The following VPS53 variants were observed in gnomAD, a reference collection of about 807,000 sequenced individuals.
The protein encoded by VPS53 is vacuolar protein sorting-associated protein 53 homolog.
VPS53 carries 70 observed loss-of-function variants against 107.0 expected under a neutral mutation model. The observed-to-expected ratio is 0.65, with a 90% CI of 0.54 to 0.80. The LOEUF (loss-of-function observed/expected upper bound fraction) is 0.80. Among genes scored for constraint, VPS53 ranks in the 30% least tolerant of loss-of-function variants. The pLI is 0.00. For missense variants in VPS53, 917 were observed against 1,049.4 expected, an observed-to-expected ratio of 0.87 and a Z score of 1.74; for synonymous variants, 409 against 393.3, an observed-to-expected ratio of 1.04 and a Z score of -0.47.
rs1270506517 is a variant in VPS53, at chr17:516,563, C to G, written c.*2565G>C. ...ATTTTTTGTAGAGATGGGGTTTCAC[C>G]ATATTGGCAAGGATGGTCTCAATTT... On this transcript the variant is annotated 3_prime_UTR_variant, in exon 22 of 22. Transcript: ENST00000437048. 6.6e-6 allele frequency: 1 copy of G among 151,982 alleles called. No individual in the cohort carries two copies. The highest frequency in any genetic ancestry group is 1.5e-5 in the Non-Finnish European group (1 of 67,992). The allele number at this position is 151,982 out of a possible 1,614,324, so 9.4% of individuals were successfully genotyped here.
chr17:655,989 C>T (rs371049408), intron 5 of VPS53, 36 bp from the exon 6 acceptor site: 203 of 1,574,018 alleles, frequency 1.3e-4, no homozygotes, highest in South Asian at 6.6e-4. Flanking sequence ...GAAAGGAAGA[C>T]GGTCAAGAAA....
At chr17:567,530 T>C (rs1405359319) in intron 13 of VPS53, among the ~76,000 whole-genome samples, 1 of 151,626 alleles carries the variant, frequency 6.6e-6, no homozygotes, top group African/African-American at 2.4e-5. Context: ...AGACAGAGTA[T>C]TGCTTTGTCA....
intron 4 of VPS53, among the ~76,000 whole-genome samples, chr17:665,011 G>A (rs912609666): frequency 2.0e-5 from 3 of 152,104 alleles, no homozygotes; most frequent in African/African-American, 7.2e-5. Context: ...AATACGTTAC[G>A]GGTGCCTGTG....
chr17:696,826 C>T (rs920868309), intron 4 of VPS53, among the ~76,000 whole-genome samples: 9 of 149,474 alleles, frequency 6.0e-5, no homozygotes, highest in African/African-American at 2.2e-4. Flanking sequence ...CAGTCTCACC[C>T]CTGTCGTCCA....
At chr17:602,093 A>G (rs894609714) in intron 11 of VPS53, among the ~76,000 whole-genome samples, 197 bp from the exon 12 acceptor site, 2 of 151,498 alleles carry the variant, frequency 1.3e-5, no homozygotes, top group East Asian at 1.9e-4. Flanking sequence ...CTCCCCGACC[A>G]CCCCGCCCCA....
intron 12 of VPS53, among the ~76,000 whole-genome samples, chr17:589,560 G>A (rs1967524474): frequency 6.6e-6 from 1 of 152,068 alleles, no homozygotes; most frequent in African/African-American, 2.4e-5. Context: ...GAATCCAGAA[G>A]AAAGATATTT....
chr17:551,799 C>T, intron 17 of VPS53, 73 bp downstream of exon 17: 1 of 1,339,370 alleles, frequency 7.5e-7, no homozygotes, highest in Non-Finnish European at 1.0e-6. Flanking sequence ...GGAGAAGCTA[C>T]AGACAAGGGC....
chr17:621,667 C>T (rs759266277), intron 11 of VPS53, among the ~76,000 whole-genome samples: 1 of 152,010 alleles, frequency 6.6e-6, no homozygotes, highest in Non-Finnish European at 1.5e-5. Flanking sequence ...TTCAGTCAAT[C>T]GTCTGTCTGA....
rs558487045 is a variant in VPS53, at chr17:637,868, T to C, written c.609-6240A>G. ...GATCAATTTTGGAATAAGTGCGATG[T>C]GGTGCTGAGAAGAATGTATATTCTG... is the stretch of plus-strand genomic sequence containing the variant. On this transcript the variant is annotated intron_variant, in intron 7 of 21. Transcript: ENST00000437048. Among the ~76,000 whole-genome samples the C allele has an allele frequency of 5.9e-5, 9 of 152,356 alleles. 1 individual carries two copies. Among genetic ancestry groups the C allele is most frequent in the Admixed American group, 4.6e-4 (7 of 15,294 alleles).
At chr17:655,619 G>C (rs1393933455) in intron 6 of VPS53, among the ~76,000 whole-genome samples, 1 of 152,206 alleles carries the variant, frequency 6.6e-6, no homozygotes, top group East Asian at 1.9e-4. Context: ...GTCCTGAAAG[G>C]CTTCTGGGGT....
intron 11 of VPS53, among the ~76,000 whole-genome samples, chr17:612,687 T>C (rs1968946059): frequency 6.9e-6 from 1 of 144,808 alleles, no homozygotes; most frequent in African/African-American, 2.6e-5. Context: ...AATAGTGAAT[T>C]CACACAGTGA....
chr17:519,126 T>C lies in VPS53; in HGVS notation c.*2A>G, dbSNP rs753126096. On this transcript the variant is annotated 3_prime_UTR_variant, in exon 22 of 22. Coordinates refer to ENST00000437048, the MANE Select transcript of VPS53 (RefSeq NM_001128159.3). The surrounding 1 kb of genome is among the most constrained non-coding windows in gnomAD (Gnocchi z 5.0). ...CCAGGAGCAAAGGGCCCCTTGCTGCTGCTACAGTCTCTTTTTAATGAGTTT... is the reference window on the plus strand; with the variant it reads ...CCAGGAGCAAAGGGCCCCTTGCTGCCGCTACAGTCTCTTTTTAATGAGTTT... 11 of 1,502,144 alleles carry C rather than the reference T, an allele frequency of 7.3e-6. No individual in the cohort carries two copies. Among genetic ancestry groups the C allele is most frequent in the East Asian group, 5.0e-5 (2 of 39,778 alleles). The allele number at this position is 1,502,144 out of a possible 1,614,324, so 93.1% of individuals were successfully genotyped here.
At chr17:675,201 T>C (rs1189848808) in intron 4 of VPS53, 1 of 152,186 alleles carries the variant, frequency 6.6e-6, no homozygotes, top group Non-Finnish European at 1.5e-5. Context: ...CACAAGACAC[T>C]AGTTACCAGA....
intron 17 of VPS53, among the ~76,000 whole-genome samples, chr17:545,294 CCTT>C (rs1457233792): frequency 6.6e-6 from 1 of 152,170 alleles, no homozygotes; most frequent in Non-Finnish European, 1.5e-5. Flanking sequence ...ATTTCCCTCT[CCTT>C]GTCTAGCAGC....
intron 12 of VPS53, 107 bp from the exon 13 acceptor site, chr17:586,471 G>C: frequency 2.8e-6 from 3 of 1,087,382 alleles, no homozygotes; most frequent in Non-Finnish European, 2.7e-6. Flanking sequence ...TCACAGATAA[G>C]AGAGTACTCA....
chr17:637,136 T>G (rs1970230996), intron 7 of VPS53, among the ~76,000 whole-genome samples: 1 of 152,214 alleles, frequency 6.6e-6, no homozygotes, highest in Non-Finnish European at 1.5e-5. Flanking sequence ...TCTTCCTGGT[T>G]TAGTCTTGGG....
chr17:549,010 CTTATA>C (rs1173183006), intron 17 of VPS53, among the ~76,000 whole-genome samples: 1 of 152,136 alleles, frequency 6.6e-6, no homozygotes, highest in East Asian at 1.9e-4. Context: ...TTCCTCATCT[CTTATA>C]TTAAAGTTAC....
intron 11 of VPS53, among the ~76,000 whole-genome samples, chr17:611,266 G>A (rs932133793): frequency 2.0e-5 from 3 of 152,234 alleles, no homozygotes; most frequent in East Asian, 1.9e-4. Flanking sequence ...CTCCCACCTC[G>A]GCCTCCCACA....
intron 4 of VPS53, among the ~76,000 whole-genome samples, chr17:678,153 C>T (rs1052999262): frequency 2.6e-5 from 4 of 152,128 alleles, no homozygotes; most frequent in African/African-American, 9.7e-5. Context: ...CGGTGGCTCA[C>T]GCCTGAAGTC....
Sources: allele counts gnomAD v4.1 joint callset (sites outside exome capture counted in the v4.1 genomes callset), GRCh38; gene constraint gnomAD v4.1.1; non-coding constraint Gnocchi (gnomAD v3.1); transcripts MANE v1.5; gene names NCBI Gene and HGNC (gene_info 2026-07-23, HGNC 2026-07-21).